Variants in NUP37 observed in about 807,000 individuals in gnomAD.
NUP37 encodes nucleoporin Nup37.
NUP37 carries 33 observed loss-of-function variants against 45.4 expected under a neutral mutation model. That is an observed-to-expected ratio of 0.73 (90% CI 0.55 to 0.97). NUP37 has a LOEUF of 0.97. Among genes scored for constraint, NUP37 ranks in the 50% least tolerant of loss-of-function variants. The probability of loss-of-function intolerance (pLI) is 0.00; values close to 1 mark genes in which losing one functional copy is unlikely to be tolerated. For missense variants in NUP37, 365 were observed against 389.7 expected (o/e 0.94, Z 0.53); for synonymous variants, 127 against 130.7 (o/e 0.97, Z 0.19).
At chr12:102,099,303 C>A in intron 4 of NUP37, 103 bp from the exon 5 acceptor site, 1 of 737,436 alleles carries the variant, frequency 1.4e-6, no homozygotes, top group Non-Finnish European at 2.3e-6. Flanking sequence ...CTTTCACTGC[C>A]TGTTTTTCTA....
chr12:102,114,399 G>A (rs1045114587), intron 2 of NUP37, among the ~76,000 whole-genome samples: 1 of 152,172 alleles, frequency 6.6e-6, no homozygotes, highest in African/African-American at 2.4e-5. Context: ...AGTGAAACCT[G>A]TTTTCCTGGC....
intron 3 of NUP37, among the ~76,000 whole-genome samples, chr12:102,110,681 A>C (rs1334197154): frequency 6.6e-6 from 1 of 152,110 alleles, no homozygotes; most frequent in Non-Finnish European, 1.5e-5. Flanking sequence ...GTCCCTACAA[A>C]AAATACCAAA....
In NUP37 at chr12:102,076,786, C is replaced by T. The variant is rs201479172; in HGVS notation, c.773+11G>A. 56 of 1,610,842 alleles carry T rather than the reference C, an allele frequency of 3.5e-5. No individual in the cohort carries two copies. In the East Asian group the frequency reaches 4.9e-4, roughly 14 times the overall value. On this transcript the variant is annotated intron_variant, in intron 8 of 9. Transcript: ENST00000552283. ...GATCAAATCACAGCTCCAACAAAAA[C>T]GGTACATTACCTGAATAAGCAGGCT...
At chr12:102,111,979 T>C (rs1016420721) in intron 3 of NUP37, 129 bp downstream of exon 3, 13 of 835,910 alleles carry the variant, frequency 1.6e-5, no homozygotes, top group Non-Finnish European at 2.2e-5. Context: ...GTAGCAAATA[T>C]CAAAATATCT....
In NUP37 at chr12:102,076,670, A is replaced by G. The variant is rs181305764; in HGVS notation, c.773+127T>C. On this transcript the variant is annotated intron_variant, in intron 8 of 9. Transcript: ENST00000552283. The stretch of plus-strand genomic sequence containing the variant: ...AATGACTTAGTCGGGAAAGTAAAAT[A>G]ACCACTTATAAAACAATAAGGGAAA... 6.1e-5 allele frequency: 41 copies of G among 675,634 alleles called. No individual in the cohort carries two copies. The Admixed American group carries it at 1.1e-3, about 17-fold the overall frequency. The allele number at this position is 675,634 out of a possible 1,614,324, so 41.9% of individuals were successfully genotyped here. A position where few individuals can be genotyped will look rare whatever the true frequency, so the allele number is the denominator to read the frequency against.
chr12:102,083,158 G>T (rs1879375213), intron 6 of NUP37, among the ~76,000 whole-genome samples: 2 of 152,188 alleles, frequency 1.3e-5, no homozygotes, highest in Non-Finnish European at 2.9e-5. Context: ...TGGGATAGAA[G>T]TTGTAATAAA....
intron 6 of NUP37, 97 bp from the exon 7 acceptor site, chr12:102,077,600 A>G: frequency 8.2e-7 from 1 of 1,212,896 alleles, no homozygotes; most frequent in Non-Finnish European, 1.1e-6. Context: ...TAAAATGTAA[A>G]CATTTGCAAT....
chr12:102,110,388 C>T (rs1338454211), intron 3 of NUP37, among the ~76,000 whole-genome samples: 1 of 150,660 alleles, frequency 6.6e-6, no homozygotes, highest in Non-Finnish European at 1.5e-5. Context: ...GTAGTTCCAG[C>T]TACTTGGGAG....
intron 5 of NUP37, among the ~76,000 whole-genome samples, chr12:102,087,280 A>G (rs894302998): frequency 6.6e-6 from 1 of 152,226 alleles, no homozygotes; most frequent in Admixed American, 6.5e-5. Context: ...AAAGTAGAGT[A>G]TGTATTGGAC....
chr12:102,111,472 T>G (rs545102645), intron 3 of NUP37, among the ~76,000 whole-genome samples: 2 of 152,356 alleles, frequency 1.3e-5, no homozygotes, highest in African/African-American at 4.8e-5. Context: ...GTTAGCTTAA[T>G]AGTTGATAAC....
intron 2 of NUP37, among the ~76,000 whole-genome samples, chr12:102,116,379 A>G (rs1037454671): frequency 7.9e-5 from 12 of 152,320 alleles, no homozygotes; most frequent in Admixed American, 4.6e-4. Flanking sequence ...TCTTTTGTAC[A>G]TTGGTGGCTT....
chr12:102,095,265 T>C (rs1448226454), intron 5 of NUP37, among the ~76,000 whole-genome samples: 1 of 152,140 alleles, frequency 6.6e-6, no homozygotes, highest in Non-Finnish European at 1.5e-5. Context: ...TAATTTTTTC[T>C]AAATGAATAT....
Position 102,118,383 on chromosome 12 carries a change from T to G in NUP37, c.136A>C (p.Ile46Leu), listed in dbSNP as rs1242601192. Residue 46 changes from isoleucine (I) to leucine (L), a missense_variant, in exon 2 of 10, where the codon ATT becomes CTT. Physicochemically the swap from Ile to Leu is conservative, Grantham distance 5 (BLOSUM62 2). Coordinates refer to ENST00000552283, the MANE Select transcript of NUP37 (RefSeq NM_024057.4). ...CTAACCTGAAACGTACACGTGCCAA[T>G]GACCACATAATTATTGCCACCATAT... ...IAYGGNNYVV[I>L]GTCTFQEEEA... The G allele has an allele frequency of 1.2e-6, 2 of 1,613,814 alleles. No homozygotes were observed. Among genetic ancestry groups the G allele is most frequent in the South Asian group, 2.2e-5 (2 of 91,018 alleles).
At chr12:102,074,691 C>T (rs182445893) in intron 9 of NUP37, 1 of 452,840 alleles carries the variant, frequency 2.2e-6, no homozygotes, top group Non-Finnish European at 3.9e-6. Flanking sequence ...TCCATTTTTG[C>T]AGTCTACACC....
intron 3 of NUP37, among the ~76,000 whole-genome samples, chr12:102,107,434 A>G (rs187788438): frequency 1.3e-5 from 2 of 152,174 alleles, no homozygotes; most frequent in African/African-American, 4.8e-5. Context: ...TGGACAAGAC[A>G]AGGAAAAAAA....
In NUP37 at chr12:102,100,678, G is replaced by A. The variant is rs1003897553; in HGVS notation, c.354+354C>T. Among the ~76,000 whole-genome samples the A allele has an allele frequency of 7.9e-5, 12 of 152,238 alleles. No individual in the cohort carries two copies. In the East Asian group the frequency reaches 2.3e-3, roughly 29 times the overall value. Reference sequence around the variant, plus strand: ...TTTGGAATTCTGCCTGTGCTATGCTGTACTGATCATTTGTTCCCATGAAGT... The same window carrying A: ...TTTGGAATTCTGCCTGTGCTATGCTATACTGATCATTTGTTCCCATGAAGT... On this transcript the variant is annotated intron_variant, in intron 4 of 9. Transcript: ENST00000552283.
chr12:102,107,425 GGACAA>G (rs1210770574), intron 3 of NUP37, among the ~76,000 whole-genome samples: 2 of 151,782 alleles, frequency 1.3e-5, no homozygotes, highest in Non-Finnish European at 2.9e-5. Context: ...TTTCACAAGT[GGACAA>G]GACAAGGAAA....
chr12:102,097,498 T>A (rs1266845605), intron 5 of NUP37, among the ~76,000 whole-genome samples: 1 of 152,100 alleles, frequency 6.6e-6, no homozygotes, highest in African/African-American at 2.4e-5. Flanking sequence ...TTAGCAACCC[T>A]ATGTCAGTCC....
chr12:102,091,726 T>A (rs780834653), intron 5 of NUP37, among the ~76,000 whole-genome samples: 4 of 152,102 alleles, frequency 2.6e-5, no homozygotes, highest in Non-Finnish European at 5.9e-5. Context: ...TGAAATAAAA[T>A]GACAGTTTTC....
Sources: gnomAD v4.1 joint callset for allele counts (sites outside exome capture counted in the v4.1 genomes callset) on GRCh38, gnomAD v4.1.1 for gene constraint, MANE v1.5 for transcripts, NCBI Gene and HGNC (gene_info 2026-07-23, HGNC 2026-07-21) for gene names.